TINAG: variants seen among roughly 807,000 people sequenced by gnomAD.
The protein encoded by TINAG is tubulointerstitial nephritis antigen.
In TINAG, 83 loss-of-function variants were observed where a neutral mutation model predicts 72.7. The ratio of observed to expected loss-of-function variants is 1.14; its 90% CI spans 0.96 to 1.37. TINAG has a LOEUF of 1.37. Ranked by LOEUF, TINAG falls within the 40% of genes most tolerant of loss-of-function variation. The pLI, the probability that TINAG is intolerant of heterozygous loss-of-function variation, is 0.00. For synonymous variants in TINAG, 234 were observed against 189.9 expected (o/e 1.23, Z -1.91); for missense variants, 685 against 576.6 (o/e 1.19, Z -1.93).
intron 2 of TINAG, among the ~76,000 whole-genome samples, chr6:54,320,907 C>A (rs6915942): frequency 6.6e-6 from 1 of 152,050 alleles, no homozygotes; most frequent in African/African-American, 2.4e-5. Flanking sequence ...ATTAAATGTA[C>A]CTCTTAATTA....
At chr6:54,370,930 C>A (rs1376969388) in intron 9 of TINAG, among the ~76,000 whole-genome samples, 4 of 152,100 alleles carry the variant, frequency 2.6e-5, no homozygotes, top group Non-Finnish European at 5.9e-5. Context: ...GTCTGTTCCA[C>A]TCCGTAAGTG....
At chr6:54,374,631 C>A (rs942183918) in intron 9 of TINAG, among the ~76,000 whole-genome samples, 2 of 152,022 alleles carry the variant, frequency 1.3e-5, no homozygotes, top group Admixed American at 6.6e-5. Flanking sequence ...TCTTTCAAAT[C>A]TTTGTGTAAT....
rs539977344 is a variant in TINAG at position 54,351,546 on chromosome 6, G to T, written c.1126+149G>T. 23 of 617,702 alleles carry T rather than the reference G, an allele frequency of 3.7e-5. No individual in the cohort carries two copies. The Admixed American group carries it at 6.0e-4, about 16-fold the overall frequency. The allele number at this position is 617,702 out of a possible 1,614,324, so 38.3% of individuals were successfully genotyped here. ...CTTCAACAGTTCTAAAATGAGTGCA[G>T]TTATGAGAAATATGCTTACCTATAT... On this transcript the variant is annotated intron_variant, in intron 8 of 10. Coordinates refer to ENST00000259782, the MANE Select transcript of TINAG (RefSeq NM_014464.4).
chr6:54,309,640 G>A (rs1450858776), intron 1 of TINAG, among the ~76,000 whole-genome samples: 1 of 152,104 alleles, frequency 6.6e-6, no homozygotes, highest in Non-Finnish European at 1.5e-5. Context: ...TTTGAGCATA[G>A]ATGAGGCTTT....
intron 9 of TINAG, among the ~76,000 whole-genome samples, chr6:54,368,872 A>G (rs980821771): frequency 1.3e-5 from 2 of 151,752 alleles, no homozygotes; most frequent in Admixed American, 1.3e-4. Flanking sequence ...GATAAATGCT[A>G]TATTTCAGAG....
At chr6:54,324,702 G>A (rs1277227151) in intron 3 of TINAG, among the ~76,000 whole-genome samples, 1 of 152,134 alleles carries the variant, frequency 6.6e-6, no homozygotes, top group East Asian at 1.9e-4. Flanking sequence ...TTTGATGTTA[G>A]TTTGGTTCTT....
rs576340253 is a variant in TINAG, at chr6:54,371,981, G to GTTTTT, written c.1251-8522_1251-8518dup. ...GTTTATAAAATGGCTTTCAAGTCAT[G>GTTTTT]TTTTTTTTTTTTTTTTTTTTTTTTT... is the stretch of plus-strand genomic sequence containing the variant. On this transcript the variant is annotated intron_variant, in intron 9 of 10. Transcript: ENST00000259782. 5.7e-4 allele frequency among the ~76,000 whole-genome samples: 41 copies of GTTTTT among 71,430 alleles called. 4 individuals carry two copies. In the South Asian group the frequency reaches 6.6e-3, roughly 11 times the overall value. The allele number at this position is 71,430 out of a possible 152,430, so 46.9% of individuals were successfully genotyped here.
chr6:54,360,553 T>A (rs1023100676), intron 9 of TINAG, among the ~76,000 whole-genome samples: 1 of 151,682 alleles, frequency 6.6e-6, no homozygotes, highest in African/African-American at 2.4e-5. Context: ...GAATTTGCCC[T>A]GTGTCCCTGT....
intron 10 of TINAG, among the ~76,000 whole-genome samples, chr6:54,385,396 T>A (rs754098165): frequency 9.2e-5 from 14 of 151,508 alleles, no homozygotes; most frequent in Non-Finnish European, 1.8e-4. Context: ...AAAATATAGA[T>A]GAAATGGATA....
intron 9 of TINAG, among the ~76,000 whole-genome samples, chr6:54,364,553 T>C (rs1026522532): frequency 6.6e-6 from 1 of 151,464 alleles, no homozygotes; most frequent in Non-Finnish European, 1.5e-5. Flanking sequence ...GTCATGATAA[T>C]TCTGATCTCA....
intron 3 of TINAG, among the ~76,000 whole-genome samples, chr6:54,325,162 T>C (rs146080157): frequency 5.9e-4 from 90 of 152,336 alleles, no homozygotes; most frequent in African/African-American, 2.1e-3. Context: ...ATTTGCTTTA[T>C]GTAAAAAATT....
intron 5 of TINAG, 39 bp from the exon 6 acceptor site, chr6:54,347,328 G>T (rs757560326): frequency 6.2e-7 from 1 of 1,604,820 alleles, no homozygotes; most frequent in South Asian, 1.1e-5. Context: ...GAAATACCGT[G>T]TATCATTTCA....
At chr6:54,332,834 G>T (rs1758693767) in intron 4 of TINAG, among the ~76,000 whole-genome samples, 1 of 152,202 alleles carries the variant, frequency 6.6e-6, no homozygotes, top group African/African-American at 2.4e-5. Context: ...CTCAAAAGAA[G>T]ACATTTATGC....
At chr6:54,318,523 C>T (rs1313641503) in intron 1 of TINAG, among the ~76,000 whole-genome samples, 1 of 152,058 alleles carries the variant, frequency 6.6e-6, no homozygotes, top group Non-Finnish European at 1.5e-5. Context: ...TTATGCTAAT[C>T]CTTCATGCTT....
intron 4 of TINAG, among the ~76,000 whole-genome samples, chr6:54,328,844 T>C (rs548461149): frequency 6.6e-6 from 1 of 151,464 alleles, no homozygotes; most frequent in Admixed American, 6.6e-5. Flanking sequence ...TATCAATAGC[T>C]GATTCAATCA....
chr6:54,369,603 T>TG (rs1485529296), intron 9 of TINAG, among the ~76,000 whole-genome samples: 1 of 151,964 alleles, frequency 6.6e-6, no homozygotes, highest in African/African-American at 2.4e-5. Context: ...ACTAGGAGCA[T>TG]GGCGTTGAGT....
intron 4 of TINAG, among the ~76,000 whole-genome samples, chr6:54,334,586 A>G (rs1784817106): frequency 1.3e-5 from 2 of 152,176 alleles, no homozygotes; most frequent in Non-Finnish European, 2.9e-5. Context: ...CTCACATTTT[A>G]AAGACAGGCA....
chr6:54,378,047 A>G (rs896316418), intron 9 of TINAG, among the ~76,000 whole-genome samples: 1 of 152,126 alleles, frequency 6.6e-6, no homozygotes, highest in African/African-American at 2.4e-5. Flanking sequence ...AAGACAGAGG[A>G]GAGGAGATAG....
chr6:54,334,917 T>C (rs1437246465), intron 4 of TINAG, among the ~76,000 whole-genome samples: 1 of 152,182 alleles, frequency 6.6e-6, no homozygotes, highest in African/African-American at 2.4e-5. Flanking sequence ...TGGTTTTGAG[T>C]GACCTAACTG....
Sources: gnomAD v4.1 joint callset for allele counts (sites outside exome capture counted in the v4.1 genomes callset) on GRCh38, gnomAD v4.1.1 for gene constraint, MANE v1.5 for transcripts, NCBI Gene and HGNC (gene_info 2026-07-23, HGNC 2026-07-21) for gene names.